SERPINB13: variants seen among roughly 807,000 people sequenced by gnomAD.
The protein encoded by SERPINB13 is serpin B13.
SERPINB13 carries 26 observed loss-of-function variants against 31.2 expected under a neutral mutation model. That is an observed-to-expected ratio of 0.83 (90% confidence interval 0.61 to 1.15). The LOEUF is 1.15. Ranked by LOEUF, SERPINB13 falls within the 50% of genes most tolerant of loss-of-function variation. The pLI is 0.00. For missense variants in SERPINB13, 510 were observed against 469.4 expected (o/e 1.09, Z -0.80); for synonymous variants, 191 against 172.4 (o/e 1.11, Z -0.85).
chr18:63,590,237 G>A (rs1469880588), intron 3 of SERPINB13, among the ~76,000 whole-genome samples: 1 of 152,104 alleles, frequency 6.6e-6, no homozygotes, highest in Non-Finnish European at 1.5e-5. Context: ...ATTATTACAG[G>A]CCCAATGACT....
chr18:63,595,329 G>A, intron 7 of SERPINB13, 145 bp downstream of exon 7: 1 of 740,638 alleles, frequency 1.4e-6, no homozygotes, highest in South Asian at 2.0e-5. Flanking sequence ...CTACTGGGGA[G>A]CATTAAATAG....
At chr18:63,596,857 A>G (rs1425485932) in intron 7 of SERPINB13, 102 bp from the exon 8 acceptor site, 2 of 939,010 alleles carry the variant, frequency 2.1e-6, no homozygotes, top group Middle Eastern at 3.5e-4. Context: ...TACTTTTAAT[A>G]TTACTAAAAT....
Position 63,592,426 on chromosome 18 carries a change from C to G in SERPINB13, c.304C>G (p.Leu102Val), listed in dbSNP as rs1191034294. 11 of 1,613,530 alleles carry G rather than the reference C, an allele frequency of 6.8e-6. No homozygotes were observed. Among genetic ancestry groups the G allele is most frequent in the African/African-American group, 2.7e-5 (2 of 74,900 alleles). ...EISKLTNDYE[L>V]NITNRLFGEK... ...AAGCAAACTCACTAATGATTATGAA[C>G]TGAACATAACCAACAGGCTGTTTGG... Residue 102 changes from leucine (L) to valine (V), a missense_variant, in exon 4 of 8, where the codon CTG (leucine) becomes GTG (valine). Physicochemically the swap from Leu to Val is conservative, Grantham distance 32. Transcript: ENST00000344731.
intron 2 of SERPINB13, among the ~76,000 whole-genome samples, 163 bp downstream of exon 2, chr18:63,588,995 G>A (rs1391149545): frequency 6.6e-6 from 1 of 152,122 alleles, no homozygotes; most frequent in East Asian, 1.9e-4. Flanking sequence ...TATCAGGAAA[G>A]CCCTCTTCCT....
At chr18:63,589,604 G>T in intron 2 of SERPINB13, 52 bp from the exon 3 acceptor site, 1 of 1,595,714 alleles carries the variant, frequency 6.3e-7, no homozygotes, top group South Asian at 1.1e-5. Flanking sequence ...CTGATTCTGT[G>T]TGAGGTTTTC....
Position 63,597,072 on chromosome 18 carries a change from T to C in SERPINB13, c.885T>C (p.Asp295=). 1 of 1,614,146 alleles carries C rather than the reference T, an allele frequency of 6.2e-7. No individual in the cohort carries two copies. Among genetic ancestry groups the C allele is most frequent in the Non-Finnish European group, 8.5e-7 (1 of 1,180,024 alleles). ...GGTTTGAGGTGGAGGACGGTTACGATCTAGAGGCGGTCCTGGCTGCCATGG... is the reference window on the plus strand; with the variant it reads ...GGTTTGAGGTGGAGGACGGTTACGACCTAGAGGCGGTCCTGGCTGCCATGG... ...LPRFEVEDGY[D]LEAVLAAMGM... Residue 295 remains aspartate (D), a synonymous_variant, in exon 8 of 8, where the codon GAT becomes GAC. Coordinates refer to ENST00000344731, the MANE Select transcript of SERPINB13 (RefSeq NM_012397.4).
In SERPINB13 at chr18:63,596,996, G is replaced by A. The variant is rs752556290; in HGVS notation, c.809G>A (p.Trp270Ter). The change falls in exon 8 of 8, where the codon TGG becomes TAG. Residue 270 changes from tryptophan to a stop codon, truncating the protein, a stop_gained. Transcript: ENST00000344731. LOFTEE classifies it low-confidence loss of function (END_TRUNC). ...ATAAGTCCTGAGAAATTGGTAGAGT[G>A]GACTAGTCCAGGGCATATGGAAGAA... ...DKISPEKLVE[W>*]TSPGHMEERK... 6.8e-6 allele frequency: 11 copies of A among 1,613,712 alleles called. No individual in the cohort carries two copies. The highest frequency in any genetic ancestry group is 9.3e-6 in the Non-Finnish European group (11 of 1,179,848).
At chr18:63,592,709 G>A in intron 4 of SERPINB13, 145 bp from the exon 5 acceptor site, 1 of 706,976 alleles carries the variant, frequency 1.4e-6, no homozygotes, top group Non-Finnish European at 2.3e-6. Context: ...TGTGCAGCAG[G>A]AACTCAATGT....
chr18:63,595,612 T>TGTGAAGGCCGGGCGTGGTG (rs1912116997), intron 7 of SERPINB13, among the ~76,000 whole-genome samples: 1 of 152,194 alleles, frequency 6.6e-6, no homozygotes, highest in East Asian at 1.9e-4. Context: ...AAAAAAATTA[T>TGTGAAGGCCGGGCGTGGTG]GTGAAGGCCG....
intron 7 of SERPINB13, among the ~76,000 whole-genome samples, chr18:63,596,573 G>C (rs951322222): frequency 9.2e-5 from 14 of 152,130 alleles, no homozygotes; most frequent in African/African-American, 3.1e-4. Context: ...AGATAGGAGA[G>C]ATATGCAATA....
intron 6 of SERPINB13, among the ~76,000 whole-genome samples, chr18:63,594,755 C>T (rs1912062366): frequency 6.6e-6 from 1 of 152,132 alleles, no homozygotes. Flanking sequence ...AGGACAATTG[C>T]TTGAACCCGG....
rs1568150471 is a variant in SERPINB13, at chr18:63,597,569, G to A, written c.*206G>A. On this transcript the variant is annotated 3_prime_UTR_variant, in exon 8 of 8. Coordinates refer to ENST00000344731, the MANE Select transcript of SERPINB13 (RefSeq NM_012397.4). ...AAATGTCCTTTTCTTTGTGCCATGC[G>A]TAAGGTGAGTCAAACCAAACCTCAT... 7 of 562,000 alleles carry A rather than the reference G, an allele frequency of 1.2e-5. No individual in the cohort carries two copies. The highest frequency in any genetic ancestry group is 4.5e-4 in the Middle Eastern group (1 of 2,232). 34.8% of individuals were successfully genotyped at this position (562,000 alleles called of 1,614,324 possible).
rs769974515 is a variant in SERPINB13, at chr18:63,592,505, G to A, written c.354+29G>A. The A allele has an allele frequency of 3.9e-5, 63 of 1,608,034 alleles. 1 individual carries two copies. In the Middle Eastern group the frequency reaches 1.0e-3, roughly 26 times the overall value. ...AGTTTGCCATGCCTACCATATCTGTGAGTGGTATTCTGGAATGGCCAAATG... is the reference window on the plus strand; with the variant it reads ...AGTTTGCCATGCCTACCATATCTGTAAGTGGTATTCTGGAATGGCCAAATG... On this transcript the variant is annotated intron_variant, in intron 4 of 7. Coordinates refer to ENST00000344731, the MANE Select transcript of SERPINB13 (RefSeq NM_012397.4).
chr18:63,591,959 A>T (rs1911879061), intron 3 of SERPINB13, among the ~76,000 whole-genome samples: 2 of 152,354 alleles, frequency 1.3e-5, no homozygotes, highest in South Asian at 4.1e-4. Flanking sequence ...AAAAATTTCC[A>T]AACTTCAATA....
intron 5 of SERPINB13, 68 bp from the exon 6 acceptor site, chr18:63,594,287 A>T (rs775079263): frequency 7.5e-6 from 12 of 1,602,782 alleles, no homozygotes; most frequent in Middle Eastern, 1.7e-4. Context: ...CATCTGCATC[A>T]TATTTGTCAT....
At chr18:63,588,482 G>C (rs1160860311) in intron 1 of SERPINB13, among the ~76,000 whole-genome samples, 169 bp from the exon 2 acceptor site, 1 of 152,228 alleles carries the variant, frequency 6.6e-6, no homozygotes, top group Non-Finnish European at 1.5e-5. Context: ...CTCCCAGCAA[G>C]AGAAGGCCAA....
At position 63,595,310 on chromosome 18, in the gene SERPINB13, G is replaced by A. The variant is rs181884314; in HGVS notation, c.771+126G>A. 6.4e-4 allele frequency: 569 copies of A among 896,030 alleles called. 3 individuals are homozygous for A. The African/African-American group carries it at 8.2e-3, about 13-fold the overall frequency. The allele number at this position is 896,030 out of a possible 1,614,324, so 55.5% of individuals were successfully genotyped here. ...TGTTTCTCACTCTCCAGCAGCTACA[G>A]ATGGATGTCTACTGGGGAGCATTAA... On this transcript the variant is annotated intron_variant, in intron 7 of 7. Coordinates refer to ENST00000344731, the MANE Select transcript of SERPINB13 (RefSeq NM_012397.4).
Position 63,587,411 on chromosome 18 carries a change from G to C in SERPINB13, c.-57G>C, listed in dbSNP as rs1370283770. 2 of 470,878 alleles carry C rather than the reference G, an allele frequency of 4.2e-6. No homozygotes were observed. The highest frequency in any genetic ancestry group is 4.0e-5 in the African/African-American group (2 of 50,054). The allele number at this position is 470,878 out of a possible 1,614,324, so 29.2% of individuals were successfully genotyped here. ...CTACTTAATTGACTTATGCTTCCTA[G>C]TTCGTTGCCCAGCCACCACCGTCTC... On this transcript the variant is annotated 5_prime_UTR_variant, in exon 1 of 8. Transcript: ENST00000344731.
intron 2 of SERPINB13, among the ~76,000 whole-genome samples, chr18:63,589,253 T>C (rs576295417): frequency 6.6e-6 from 1 of 152,198 alleles, no homozygotes; most frequent in Non-Finnish European, 1.5e-5. Flanking sequence ...ACTCCTGACC[T>C]CAGGTGATCC....
Sources: gnomAD v4.1 joint callset for allele counts (sites outside exome capture counted in the v4.1 genomes callset) on GRCh38, gnomAD v4.1.1 for gene constraint, MANE v1.5 for transcripts, NCBI Gene and HGNC (gene_info 2026-07-23, HGNC 2026-07-21) for gene names.